Variants in XIRP2 observed in about 807,000 individuals in gnomAD.
XIRP2 encodes xin actin binding repeat containing 2.
In XIRP2, 236 loss-of-function variants were observed where a neutral mutation model predicts 277.0. The observed-to-expected ratio is 0.85, with a 90% CI of 0.77 to 0.95. XIRP2 has a LOEUF of 0.95. Ranked by LOEUF, XIRP2 falls within the 40% of genes least tolerant of loss-of-function variation. The probability of loss-of-function intolerance (pLI) is 0.00; values close to 1 mark genes in which losing one functional copy is unlikely to be tolerated. For missense variants in XIRP2, 4,640 were observed against 4,157.5 expected (o/e 1.12, Z -3.19); for synonymous variants, 1,490 against 1,416.5 (o/e 1.05, Z -1.17).
At chr2:166,955,743 T>C (rs1402465821) in intron 2 of XIRP2, among the ~76,000 whole-genome samples, 2 of 151,812 alleles carry the variant, frequency 1.3e-5, no homozygotes, top group Non-Finnish European at 2.9e-5. Flanking sequence ...AATTTCATAC[T>C]TTGTGCTTCG....
At position 167,249,770 on chromosome 2, in the gene XIRP2, A is replaced by T; in HGVS notation, c.8378A>T (p.Gln2793Leu). The change falls in exon 9 of 11, where the codon CAG (glutamine) becomes CTG (leucine). Residue 2793 changes from glutamine to leucine, a missense_variant. Coordinates refer to ENST00000409195, the MANE Select transcript of XIRP2 (RefSeq NM_152381.6). The stretch of plus-strand genomic sequence containing the variant: ...CCTACAGAATCCATACAGAAGAACC[A>T]GGAAGATAAGCTCAAGATGGTTCCC... ...QLPTESIQKN[Q>L]EDKLKMVPRK... 2 of 1,613,446 alleles carry T rather than the reference A, an allele frequency of 1.2e-6. No individual in the cohort carries two copies. Among genetic ancestry groups the T allele is most frequent in the South Asian group, 2.2e-5 (2 of 91,044 alleles).
At chr2:166,956,922 A>G (rs983761383) in intron 2 of XIRP2, among the ~76,000 whole-genome samples, 4 of 151,846 alleles carry the variant, frequency 2.6e-5, no homozygotes, top group African/African-American at 9.7e-5. Context: ...GTTTGAAGTT[A>G]TGTTAAGATA....
chr2:166,966,235 AT>A (rs1480471891), intron 2 of XIRP2, among the ~76,000 whole-genome samples: 1 of 151,814 alleles, frequency 6.6e-6, no homozygotes, highest in African/African-American at 2.4e-5. Flanking sequence ...TTCTCAATAT[AT>A]TTTTCACGTA....
intron 4 of XIRP2, among the ~76,000 whole-genome samples, chr2:167,214,788 C>T (rs1323105302): frequency 2.0e-5 from 3 of 151,982 alleles, no homozygotes; most frequent in African/African-American, 7.3e-5. Flanking sequence ...AGGCTGGTCT[C>T]GAACTCCTGA....
At chr2:167,095,517 G>A (rs1420112383) in intron 2 of XIRP2, among the ~76,000 whole-genome samples, 1 of 152,066 alleles carries the variant, frequency 6.6e-6, no homozygotes, top group East Asian at 1.9e-4. Context: ...AGAGTTTTTT[G>A]CATGAAGGGG....
intron 3 of XIRP2, among the ~76,000 whole-genome samples, chr2:167,137,813 A>G (rs1342255541): frequency 6.6e-6 from 1 of 152,158 alleles, no homozygotes; most frequent in African/African-American, 2.4e-5. Context: ...ATTTCATTTT[A>G]TCTGTATATT....
At chr2:167,084,102 T>C (rs1209533496) in intron 2 of XIRP2, among the ~76,000 whole-genome samples, 1 of 152,192 alleles carries the variant, frequency 6.6e-6, no homozygotes, top group Non-Finnish European at 1.5e-5. Flanking sequence ...CTTATTATTT[T>C]GAAATACATC....
rs1435822235 is a variant in XIRP2, at chr2:167,258,210, A to C, written c.*393A>C. ...AAGAAAACCTTACCCTTTGAGGAAG[A>C]GCTCAAAATGAGTAAACCTAAGTGG... On this transcript the variant is annotated 3_prime_UTR_variant, in exon 11 of 11. Coordinates refer to ENST00000409195, the MANE Select transcript of XIRP2 (RefSeq NM_152381.6). The C allele has an allele frequency of 6.2e-7, 1 of 1,613,054 alleles. No homozygotes were observed. The highest frequency in any genetic ancestry group is 2.2e-5 in the East Asian group (1 of 44,812).
In XIRP2 at chr2:166,903,602, A is replaced by G. The variant is rs547790133; in HGVS notation, c.120A>G (p.Glu40=). 1.2e-6 allele frequency: 2 copies of G among 1,613,664 alleles called. No homozygotes were observed. Among genetic ancestry groups the G allele is most frequent in the East Asian group, 2.2e-5 (1 of 44,818 alleles). ...ATTGTACAATTTTCCAGCCTCAGGA[A>G]AGCAAATTGCTTGCGCCTGAAGGAG... ...DSHCTIFQPQ[E]SKLLAPEGEV... is the part of the protein sequence containing the mutation. The change falls in exon 2 of 11, where the codon GAA becomes GAG. Residue 40 remains glutamate (E), a synonymous_variant. Transcript: ENST00000409195.
intron 2 of XIRP2, among the ~76,000 whole-genome samples, chr2:166,909,247 A>G (rs1429559799): frequency 2.6e-5 from 4 of 152,370 alleles, no homozygotes; most frequent in African/African-American, 7.2e-5. Context: ...CCTATCCACG[A>G]GCATGGAATG....
intron 1 of XIRP2, among the ~76,000 whole-genome samples, chr2:166,899,314 A>G (rs12477664): frequency 0.21 from 31,634 of 152,142 alleles, 3,984 homozygotes; most frequent in Admixed American, 0.28. Context: ...AGTTTATAAT[A>G]TAATTGTGTT....
chr2:167,161,094 T>C (rs1283252521), intron 3 of XIRP2, among the ~76,000 whole-genome samples: 1 of 152,222 alleles, frequency 6.6e-6, no homozygotes. Flanking sequence ...CTCCAGGTCA[T>C]GCTGGAGCAA....
intron 2 of XIRP2, among the ~76,000 whole-genome samples, chr2:167,130,594 C>A (rs935424021): frequency 1.3e-4 from 20 of 152,104 alleles, no homozygotes; most frequent in African/African-American, 4.8e-4. Context: ...TAAAAGGGTT[C>A]TTTAGTTTCA....
At chr2:166,975,284 G>T (rs1686680823) in intron 2 of XIRP2, among the ~76,000 whole-genome samples, 1 of 152,088 alleles carries the variant, frequency 6.6e-6, no homozygotes, top group African/African-American at 2.4e-5. Context: ...AAACAACACT[G>T]CTGAACAACA....
intron 5 of XIRP2, among the ~76,000 whole-genome samples, chr2:167,223,726 A>G (rs1573971644): frequency 1.3e-5 from 2 of 152,158 alleles, no homozygotes; most frequent in East Asian, 1.9e-4. Context: ...ATCAGCCCCA[A>G]CCTAACCTAG....
chr2:166,896,208 A>G (rs1045013984), intron 1 of XIRP2, among the ~76,000 whole-genome samples: 1 of 152,188 alleles, frequency 6.6e-6, no homozygotes, highest in Non-Finnish European at 1.5e-5. Flanking sequence ...CCATGTTTTT[A>G]TAATTGTTAT....
intron 5 of XIRP2, among the ~76,000 whole-genome samples, chr2:167,232,659 G>A (rs1694793214): frequency 6.6e-6 from 1 of 151,814 alleles, no homozygotes; most frequent in South Asian, 2.1e-4. Context: ...CAAACACTTT[G>A]GTATTTGTAG....
In XIRP2 at chr2:167,247,555, GT is replaced by G. The variant is rs1212229837; in HGVS notation, c.6167del (p.Leu2056TrpfsTer24). 1 of 1,613,566 alleles carries G rather than the reference GT, an allele frequency of 6.2e-7. No homozygotes were observed. Among genetic ancestry groups the G allele is most frequent in the Non-Finnish European group, 8.5e-7 (1 of 1,179,770 alleles). The part of the protein sequence containing the change: ...RLSNSHHKSN[V>X]LESGDKTGVW... ...ATCTAATTCACACCATAAATCTAAT[GT>G]TTTGGAATCAGGAGACAAAACGGGT... is the stretch of plus-strand genomic sequence containing the variant. On this transcript the variant is annotated frameshift_variant, in exon 9 of 11. Transcript: ENST00000409195. LOFTEE classifies it high-confidence loss of function.
chr2:167,022,387 G>A (rs372064352), intron 2 of XIRP2, among the ~76,000 whole-genome samples: 4 of 152,006 alleles, frequency 2.6e-5, no homozygotes, highest in Admixed American at 6.6e-5. Context: ...ATTATTTTAA[G>A]TATTAACACA....
Sources: gnomAD v4.1 joint callset for allele counts (sites outside exome capture counted in the v4.1 genomes callset) on GRCh38, gnomAD v4.1.1 for gene constraint, MANE v1.5 for transcripts, NCBI Gene and HGNC (gene_info 2026-07-23, HGNC 2026-07-21) for gene names.